Variants in ANKRD55 observed in about 807,000 individuals in gnomAD.
The protein encoded by ANKRD55 is ankyrin repeat domain-containing protein 55.
Under a neutral mutation model 60.6 loss-of-function variants are expected in ANKRD55, and 41 were observed. The observed-to-expected ratio is 0.68, with a 90% CI of 0.53 to 0.88. The LOEUF is 0.88. Among genes scored for constraint, ANKRD55 ranks in the 40% least tolerant of loss-of-function variants. The probability of loss-of-function intolerance (pLI) is 0.00; values close to 1 mark genes in which losing one functional copy is unlikely to be tolerated. For synonymous variants in ANKRD55, 264 were observed against 290.3 expected (o/e 0.91, Z 0.92); for missense variants, 732 against 767.6 (o/e 0.95, Z 0.55).
intron 4 of ANKRD55, among the ~76,000 whole-genome samples, chr5:56,172,820 T>G (rs1364192694): frequency 6.6e-6 from 1 of 152,152 alleles, no homozygotes; most frequent in East Asian, 1.9e-4. Flanking sequence ...TGAAATCTGA[T>G]CATTTGAATT....
At chr5:56,170,394 A>C (rs1215139732) in intron 5 of ANKRD55, among the ~76,000 whole-genome samples, 1 of 152,216 alleles carries the variant, frequency 6.6e-6, no homozygotes, top group Non-Finnish European at 1.5e-5. Context: ...CTCGAAAAAT[A>C]GTTGTTGAAT....
intron 6 of ANKRD55, among the ~76,000 whole-genome samples, chr5:56,149,758 T>C (rs1250718328): frequency 6.6e-6 from 1 of 152,118 alleles, no homozygotes; most frequent in Non-Finnish European, 1.5e-5. Context: ...AAATTGCCAC[T>C]AGAGCAAGAG....
intron 4 of ANKRD55, 139 bp from the exon 5 acceptor site, chr5:56,170,942 C>T: frequency 1.4e-6 from 1 of 713,072 alleles, no homozygotes; most frequent in African/African-American, 1.8e-5. Flanking sequence ...TTAAGAACCA[C>T]AACTCCATCT....
intron 3 of ANKRD55, among the ~76,000 whole-genome samples, chr5:56,179,056 C>T (rs6450372): frequency 1.3e-5 from 2 of 151,750 alleles, no homozygotes; most frequent in Admixed American, 1.3e-4. Flanking sequence ...TATTTCATAA[C>T]GAAAATTTCA....
intron 8 of ANKRD55, among the ~76,000 whole-genome samples, chr5:56,118,151 A>G (rs1377059310): frequency 6.6e-6 from 1 of 152,034 alleles, no homozygotes; most frequent in Non-Finnish European, 1.5e-5. Context: ...TCAAAAAAAA[A>G]GAAAAAAGTC....
chr5:56,143,668 T>G (rs372061957), intron 7 of ANKRD55, 133 bp downstream of exon 7: 8 of 1,306,166 alleles, frequency 6.1e-6, no homozygotes, highest in East Asian at 2.3e-5. Flanking sequence ...CTTGGCAGGG[T>G]TTCTTTTCAA....
At chr5:56,135,267 C>CTT (rs1561263796) in intron 7 of ANKRD55, among the ~76,000 whole-genome samples, 4,819 of 108,548 alleles carry the variant, frequency 0.044, 355 homozygotes, top group African/African-American at 0.12. Flanking sequence ...TCCTTCTTTC[C>CTT]CTCCCTCCCT....
intron 6 of ANKRD55, among the ~76,000 whole-genome samples, chr5:56,148,224 A>G (rs1757947716): frequency 6.6e-6 from 1 of 152,212 alleles, no homozygotes; most frequent in African/African-American, 2.4e-5. Context: ...CAAGTTATGG[A>G]GACCTTTCCA....
chr5:56,227,712 G>T (rs570503758), intron 2 of ANKRD55, among the ~76,000 whole-genome samples: 5 of 151,974 alleles, frequency 3.3e-5, no homozygotes, highest in Non-Finnish European at 7.4e-5. Flanking sequence ...ATTTAGCTTG[G>T]AATCCTAGCT....
intron 8 of ANKRD55, among the ~76,000 whole-genome samples, chr5:56,120,592 TC>T (rs1219685564): frequency 6.6e-6 from 1 of 152,014 alleles, no homozygotes; most frequent in Non-Finnish European, 1.5e-5. Flanking sequence ...GGAAAGGTGG[TC>T]CCCCTTCAAT....
chr5:56,102,487 T>C lies in ANKRD55; in HGVS notation c.1723+7A>G. 1 of 1,586,918 alleles carries C rather than the reference T, an allele frequency of 6.3e-7. No homozygotes were observed. Among genetic ancestry groups the C allele is most frequent in the South Asian group, 1.1e-5 (1 of 90,284 alleles). On this transcript the variant is annotated splice_region_variant and intron_variant, in intron 11 of 11. Coordinates refer to ENST00000341048, the MANE Select transcript of ANKRD55 (RefSeq NM_024669.3). ...AAAGGAAGCTGCGGAAGATTCATAA[T>C]ACTTACATTTTTGATCTGGTAGGGG... is the stretch of plus-strand genomic sequence containing the variant.
At chr5:56,163,938 A>C (rs1413944321) in intron 5 of ANKRD55, among the ~76,000 whole-genome samples, 2 of 152,102 alleles carry the variant, frequency 1.3e-5, no homozygotes, top group African/African-American at 2.4e-5. Context: ...ATAGAAATAG[A>C]AAAATTAGCC....
At chr5:56,147,769 C>T (rs1757934614) in intron 6 of ANKRD55, among the ~76,000 whole-genome samples, 1 of 150,800 alleles carries the variant, frequency 6.6e-6, no homozygotes, top group African/African-American at 2.4e-5. Flanking sequence ...AAGAATAAAT[C>T]CTCTTAGAGT....
At chr5:56,228,595 T>C (rs938054596) in intron 2 of ANKRD55, among the ~76,000 whole-genome samples, 2 of 151,974 alleles carry the variant, frequency 1.3e-5, no homozygotes, top group African/African-American at 4.8e-5. Context: ...CCAGCTAATT[T>C]TTTATTTTTA....
intron 7 of ANKRD55, among the ~76,000 whole-genome samples, chr5:56,131,594 G>A (rs938060096): frequency 4.0e-5 from 6 of 151,874 alleles, no homozygotes; most frequent in South Asian, 2.1e-4. Flanking sequence ...TCAGGAGTTC[G>A]AGACCAGCCT....
At chr5:56,153,730 G>C (rs143111105) in intron 6 of ANKRD55, among the ~76,000 whole-genome samples, 2,516 of 150,576 alleles carry the variant, frequency 0.017, 76 homozygotes, top group African/African-American at 0.058. Flanking sequence ...CCAGCTACTC[G>C]GGAGGCTGAG....
chr5:56,181,960 T>C (rs1758858067), intron 3 of ANKRD55, among the ~76,000 whole-genome samples: 2 of 152,230 alleles, frequency 1.3e-5, no homozygotes, highest in Non-Finnish European at 2.9e-5. Flanking sequence ...TCTACATTCA[T>C]GAAGACCACT....
intron 10 of ANKRD55, among the ~76,000 whole-genome samples, chr5:56,110,235 A>C (rs1270694666): frequency 1.1e-5 from 1 of 92,408 alleles, no homozygotes; most frequent in Admixed American, 1.0e-4. Context: ...CATCTCTACA[A>C]AAAAAAAAAA....
At chr5:56,156,107 C>T (rs888719669) in intron 6 of ANKRD55, among the ~76,000 whole-genome samples, 1 of 152,102 alleles carries the variant, frequency 6.6e-6, no homozygotes, top group Non-Finnish European at 1.5e-5. Context: ...AAGCAGGCAG[C>T]CGGAGTGGCG....
Sources: gnomAD v4.1 joint callset for allele counts (sites outside exome capture counted in the v4.1 genomes callset) on GRCh38, gnomAD v4.1.1 for gene constraint, MANE v1.5 for transcripts, NCBI Gene and HGNC (gene_info 2026-07-23, HGNC 2026-07-21) for gene names.